PDLIM5: variants seen among roughly 807,000 people sequenced by gnomAD.
The protein encoded by PDLIM5 is PDZ and LIM domain protein 5.
In PDLIM5, 34 loss-of-function variants were observed where a neutral mutation model predicts 64.2. The ratio of observed to expected loss-of-function variants is 0.53; its 90% confidence interval spans 0.40 to 0.71. PDLIM5 has a LOEUF of 0.71. Among genes scored for constraint, PDLIM5 ranks in the 30% least tolerant of loss-of-function variants. PDLIM5 has a pLI of 0.00. For missense variants in PDLIM5, 683 were observed against 733.6 expected (o/e 0.93, Z 0.80); for synonymous variants, 253 against 269.1 (o/e 0.94, Z 0.59).
In PDLIM5 at chr4:94,662,445, A is replaced by T. The variant is rs763482542; in HGVS notation, c.1609A>T (p.Ile537Leu). ...ETDYYALFGT[I>L]CHGCEFPIEA... is the part of the protein sequence containing the mutation. Reference sequence around the variant, plus strand: ...AGATTATTATGCCCTCTTTGGTACTATATGCCATGGATGTGAATTTCCCAT... The same window carrying T: ...AGATTATTATGCCCTCTTTGGTACTTTATGCCATGGATGTGAATTTCCCAT... Residue 537 changes from isoleucine to leucine, a missense_variant, in exon 12 of 13, where the codon ATA becomes TTA. Coordinates refer to ENST00000317968, the MANE Select transcript of PDLIM5 (RefSeq NM_006457.5). 1.8e-5 allele frequency: 28 copies of T among 1,572,730 alleles called. No homozygotes were observed. The highest frequency in any genetic ancestry group is 2.1e-5 in the Non-Finnish European group (24 of 1,142,434).
chr4:94,481,948 T>C (rs1725897485), intron 2 of PDLIM5, among the ~76,000 whole-genome samples: 1 of 152,126 alleles, frequency 6.6e-6, no homozygotes, highest in Admixed American at 6.6e-5. Flanking sequence ...TGAGAAATCT[T>C]GGTCTTTTCT....
intron 2 of PDLIM5, among the ~76,000 whole-genome samples, chr4:94,479,066 ATT>A (rs112486020): frequency 2.1e-5 from 3 of 144,176 alleles, no homozygotes; most frequent in Admixed American, 7.0e-5. Flanking sequence ...GGGCTGGATA[ATT>A]TTTTTTTTTT....
intron 2 of PDLIM5, among the ~76,000 whole-genome samples, chr4:94,461,298 G>A (rs1015750936): frequency 1.3e-5 from 2 of 152,130 alleles, no homozygotes; most frequent in East Asian, 1.9e-4. Context: ...CTAGATATTA[G>A]CATGTGAAAT....
intron 8 of PDLIM5, among the ~76,000 whole-genome samples, chr4:94,626,453 T>G (rs955607661): frequency 2.0e-5 from 3 of 152,216 alleles, no homozygotes; most frequent in African/African-American, 7.2e-5. Flanking sequence ...GTTTTGACTC[T>G]GAATACTGTA....
In PDLIM5 at chr4:94,496,196, G is replaced by A. The variant is rs183777638; in HGVS notation, c.97-27528G>A. Among the ~76,000 whole-genome samples the A allele has an allele frequency of 2.2e-3, 330 of 152,264 alleles. 2 individuals are homozygous for A. Among genetic ancestry groups the A allele is most frequent in the African/African-American group, 7.1e-3 (296 of 41,554 alleles). ...GTCTAGGAAATTTTTAAAAATTTGA[G>A]TCATTTGACTGTTAAGTAGAAATGA... On this transcript the variant is annotated intron_variant, in intron 2 of 12. Transcript: ENST00000317968.
At chr4:94,495,733 A>C (rs1040898936) in intron 2 of PDLIM5, among the ~76,000 whole-genome samples, 1 of 152,140 alleles carries the variant, frequency 6.6e-6, no homozygotes, top group Non-Finnish European at 1.5e-5. Context: ...CATGCTTTCC[A>C]GGGGGGTACA....
chr4:94,513,969 A>T (rs987629325), intron 2 of PDLIM5, among the ~76,000 whole-genome samples: 2 of 152,096 alleles, frequency 1.3e-5, no homozygotes, highest in East Asian at 3.9e-4. Flanking sequence ...TTCAGCATCA[A>T]TTGAAATGAT....
Position 94,641,030 on chromosome 4 carries a change from T to C in PDLIM5, c.1283+580T>C, listed in dbSNP as rs576369850. ...TCTTAAATTACAAGAAGAAAAAGTC[T>C]CAGATCTTAAGAATGCACTGTACTG... On this transcript the variant is annotated intron_variant, in intron 9 of 12. Transcript: ENST00000317968. 1.6e-4 allele frequency among the ~76,000 whole-genome samples: 24 copies of C among 152,336 alleles called. No individual in the cohort carries two copies. The South Asian group carries it at 4.1e-3, about 26-fold the overall frequency.
At chr4:94,615,734 TC>T (rs534823262) in intron 7 of PDLIM5, among the ~76,000 whole-genome samples, 2 of 152,318 alleles carry the variant, frequency 1.3e-5, no homozygotes, top group South Asian at 4.1e-4. Flanking sequence ...GTGACAGGGC[TC>T]TCACAGAAAG....
intron 7 of PDLIM5, among the ~76,000 whole-genome samples, chr4:94,605,188 G>C (rs1737818280): frequency 6.6e-6 from 1 of 152,184 alleles, no homozygotes; most frequent in African/African-American, 2.4e-5. Flanking sequence ...CACAGCATTA[G>C]AATGTTGCTC....
rs1578480325 is a variant in PDLIM5 at position 94,618,165 on chromosome 4, C to T, written c.1082C>T (p.Pro361Leu). ...GGATCCACTGGCGTCATCAAGTCAC[C>T]AAGCTGGCAACGGCCAAACCAAGGA... ...PVGSTGVIKS[P>L]SWQRPNQGVP... The change falls in exon 8 of 13, where the codon CCA becomes CTA. Residue 361 changes from proline to leucine, a missense_variant. Physicochemically the swap from Pro to Leu is moderately conservative, Grantham distance 98 (BLOSUM62 -3). Transcript: ENST00000317968. The T allele has an allele frequency of 6.2e-7, 1 of 1,602,380 alleles. No individual in the cohort carries two copies. The highest frequency in any genetic ancestry group is 8.5e-7 in the Non-Finnish European group (1 of 1,175,150).
chr4:94,585,361 A>C (rs1736095014), intron 5 of PDLIM5, among the ~76,000 whole-genome samples: 1 of 152,154 alleles, frequency 6.6e-6, no homozygotes. Flanking sequence ...AAGTGCTGGG[A>C]TTACAGGCGT....
At chr4:94,500,247 A>AT (rs1400756604) in intron 2 of PDLIM5, among the ~76,000 whole-genome samples, 15 of 152,124 alleles carry the variant, frequency 9.9e-5, no homozygotes, top group Non-Finnish European at 1.8e-4. Flanking sequence ...TCAAAGTATA[A>AT]TTTTTTCTGA....
chr4:94,653,378 C>A (rs1479893453), intron 9 of PDLIM5, among the ~76,000 whole-genome samples: 2 of 152,134 alleles, frequency 1.3e-5, no homozygotes, highest in Non-Finnish European at 2.9e-5. Context: ...GGAGGTAAAG[C>A]TGCTCTATGA....
At chr4:94,592,587 A>C (rs894624836) in intron 7 of PDLIM5, among the ~76,000 whole-genome samples, 1 of 152,122 alleles carries the variant, frequency 6.6e-6, no homozygotes, top group African/African-American at 2.4e-5. Flanking sequence ...ACTGAGAATG[A>C]CTGCATTGAG....
Position 94,451,948 on chromosome 4 carries a change from C to G in PDLIM5, c.-90C>G, listed in dbSNP as rs575297128. 1.3e-5 allele frequency: 2 copies of G among 152,286 alleles called. No homozygotes were observed. The highest frequency in any genetic ancestry group is 2.9e-5 in the Non-Finnish European group (2 of 68,126). The allele number at this position is 152,286 out of a possible 1,614,324, so 9.4% of individuals were successfully genotyped here. A position where few individuals can be genotyped will look rare whatever the true frequency, so the allele number is the denominator to read the frequency against. On this transcript the variant is annotated 5_prime_UTR_variant, in exon 1 of 13. Coordinates refer to ENST00000317968, the MANE Select transcript of PDLIM5 (RefSeq NM_006457.5). ...GGCGCCCTCACCGCGAGTCACTTGT[C>G]AGCCCTTGTCTGAGGCGGAGGCAGC... is the stretch of plus-strand genomic sequence containing the variant.
At chr4:94,562,715 A>T (rs1259446989) in intron 3 of PDLIM5, among the ~76,000 whole-genome samples, 1 of 152,152 alleles carries the variant, frequency 6.6e-6, no homozygotes, top group African/African-American at 2.4e-5. Flanking sequence ...GTCATTTCTT[A>T]ATCTATTAGA....
chr4:94,527,490 G>T (rs1018733194), intron 3 of PDLIM5, among the ~76,000 whole-genome samples: 1 of 152,162 alleles, frequency 6.6e-6, no homozygotes, highest in Non-Finnish European at 1.5e-5. Context: ...TAAACTTGAA[G>T]TTTTCTGCAT....
intron 3 of PDLIM5, among the ~76,000 whole-genome samples, chr4:94,555,376 T>C (rs1733197448): frequency 6.6e-6 from 1 of 152,214 alleles, no homozygotes; most frequent in Non-Finnish European, 1.5e-5. Context: ...TTACTTATGA[T>C]ATTTCCAATT....
Sources: allele counts gnomAD v4.1 joint callset (sites outside exome capture counted in the v4.1 genomes callset), GRCh38; gene constraint gnomAD v4.1.1; transcripts MANE v1.5; gene names NCBI Gene and HGNC (gene_info 2026-07-23, HGNC 2026-07-21).